Variants in MEP1B observed in about 807,000 individuals in gnomAD.
MEP1B encodes meprin A subunit beta.
MEP1B carries 80 observed loss-of-function variants against 84.6 expected under a neutral mutation model. That is an observed-to-expected ratio of 0.95 (90% CI 0.79 to 1.14). MEP1B has a LOEUF of 1.14. MEP1B is among the 50% of genes most tolerant of loss of function. The pLI is 0.00. For missense variants in MEP1B, 766 were observed against 855.1 expected (o/e 0.90, Z 1.30); for synonymous variants, 273 against 288.1 (o/e 0.95, Z 0.53).
At chr18:32,209,439 A>T (rs190327200) in intron 9 of MEP1B, among the ~76,000 whole-genome samples, 34 of 151,704 alleles carry the variant, frequency 2.2e-4, no homozygotes, top group African/African-American at 8.2e-4. Context: ...GTGAGCTGAG[A>T]TCATACCATT....
At chr18:32,217,694 T>G (rs1421846696) in intron 13 of MEP1B, 67 bp from the exon 14 acceptor site, 1 of 1,322,020 alleles carries the variant, frequency 7.6e-7, no homozygotes, top group Non-Finnish European at 1.1e-6. Context: ...GATCCACATC[T>G]TTAACTGTGA....
chr18:32,213,621 T>G lies in MEP1B; in HGVS notation c.1579+62T>G, dbSNP rs2041054309. The G allele has an allele frequency of 8.3e-6, 11 of 1,329,826 alleles. No homozygotes were observed. The South Asian group carries it at 1.4e-4, about 17-fold the overall frequency. The allele number at this position is 1,329,826 out of a possible 1,614,324, so 82.4% of individuals were successfully genotyped here. On this transcript the variant is annotated intron_variant, in intron 11 of 14. Transcript: ENST00000269202. ...CATTGCTCTAGGAGGGACTGATAAT[T>G]TTGGGAATGAGGGATTGCACAGTTA... is the stretch of plus-strand genomic sequence containing the variant.
In MEP1B at chr18:32,192,588, G is replaced by A. The variant is rs1406347715; in HGVS notation, c.83-58G>A. On this transcript the variant is annotated intron_variant, in intron 2 of 14. Transcript: ENST00000269202. ...AGTTCTGATTATATAAATGATAAAG[G>A]TTTTCTCCTTTTATAAACATAATGT... The A allele has an allele frequency of 2.6e-6, 4 of 1,517,320 alleles. No individual in the cohort carries two copies. In the African/African-American group the frequency reaches 4.1e-5, roughly 16 times the overall value. 94.0% of individuals were successfully genotyped at this position (1,517,320 alleles called of 1,614,324 possible).
chr18:32,194,996 T>C (rs2040838155), intron 4 of MEP1B, among the ~76,000 whole-genome samples: 1 of 152,230 alleles, frequency 6.6e-6, no homozygotes, highest in Non-Finnish European at 1.5e-5. Context: ...TAAAATCCTT[T>C]AAAAATTTTT....
chr18:32,199,713 T>C (rs2040892829), intron 5 of MEP1B, among the ~76,000 whole-genome samples: 1 of 151,844 alleles, frequency 6.6e-6, no homozygotes, highest in South Asian at 2.1e-4. Flanking sequence ...CCTTCCTTCT[T>C]TCTTTTTTGA....
In MEP1B at chr18:32,213,200, G is replaced by C. The variant is rs377435354; in HGVS notation, c.1220G>C (p.Gly407Ala). The C allele has an allele frequency of 3.7e-6, 6 of 1,613,956 alleles. No homozygotes were observed. Among genetic ancestry groups the C allele is most frequent in the Non-Finnish European group, 5.1e-6 (6 of 1,179,860 alleles). ...AGAGTGGTGTTTGAAGGACGCAAAGGCTCTGGTGCATCACTGGGTGGTCTG... is the reference window on the plus strand; with the variant it reads ...AGAGTGGTGTTTGAAGGACGCAAAGCCTCTGGTGCATCACTGGGTGGTCTG... The part of the protein sequence containing the change: ...KFRVVFEGRK[G>A]SGASLGGLSI... The change falls in exon 11 of 15, where the codon GGC becomes GCC. Residue 407 changes from glycine (G) to alanine (A), a missense_variant. Gly to Ala is a moderately conservative substitution (Grantham distance 60). Transcript: ENST00000269202.
chr18:32,196,305 G>A lies in MEP1B; in HGVS notation c.250+820G>A, dbSNP rs918890463. 2.8e-6 allele frequency: 2 copies of A among 705,558 alleles called. No individual in the cohort carries two copies. The highest frequency in any genetic ancestry group is 5.3e-6 in the Non-Finnish European group (2 of 377,418). 43.7% of individuals were successfully genotyped at this position (705,558 alleles called of 1,614,324 possible). ...TGAAGTTGAGGGGCGGGATGTTGTT[G>A]CTGGAGCCGTTGCGGTAGATCTCAT... On this transcript the variant is annotated intron_variant, in intron 5 of 14. Coordinates refer to ENST00000269202, the MANE Select transcript of MEP1B (RefSeq NM_005925.3). The surrounding 1 kb of genome is among the most constrained non-coding windows in gnomAD (Gnocchi z 4.4).
rs1359447565 is a variant in MEP1B at position 32,196,596 on chromosome 18, G to A, written c.250+1111G>A. On this transcript the variant is annotated intron_variant, in intron 5 of 14. Transcript: ENST00000269202. The surrounding 1 kb of genome is among the most constrained non-coding windows in gnomAD (Gnocchi z 4.4). The stretch of plus-strand genomic sequence containing the variant: ...CAGCGCGTTGTCCAGGAAGCACAGC[G>A]ACAGGTCGTACTCCATCACCCTGTG... The A allele has an allele frequency of 6.9e-6, 5 of 722,660 alleles. No homozygotes were observed. Among genetic ancestry groups the A allele is most frequent in the African/African-American group, 3.4e-5 (2 of 57,978 alleles). The allele number at this position is 722,660 out of a possible 1,614,324, so 44.8% of individuals were successfully genotyped here. A position where few individuals can be genotyped will look rare whatever the true frequency, so the allele number is the denominator to read the frequency against.
intron 7 of MEP1B, among the ~76,000 whole-genome samples, chr18:32,206,131 G>A (rs9945892): frequency 6.6e-6 from 1 of 151,724 alleles, no homozygotes; most frequent in East Asian, 1.9e-4. Flanking sequence ...ATAGGCGCCC[G>A]CCACCACACC....
Position 32,196,211 on chromosome 18 carries a change from T to C in MEP1B, c.250+726T>C. The C allele has an allele frequency of 1.5e-6, 1 of 677,094 alleles. No homozygotes were observed. The highest frequency in any genetic ancestry group is 1.5e-5 in the South Asian group (1 of 66,246). The allele number at this position is 677,094 out of a possible 1,614,324, so 41.9% of individuals were successfully genotyped here. A position where few individuals can be genotyped will look rare whatever the true frequency, so the allele number is the denominator to read the frequency against. ...TTCAGACTCTCCAAGTCTTTTTGGC[T>C]GAGAGGAATGAAGAGGATGCCATTG... On this transcript the variant is annotated intron_variant, in intron 5 of 14. Transcript: ENST00000269202. The surrounding 1 kb of genome is among the most constrained non-coding windows in gnomAD (Gnocchi z 4.4).
Position 32,192,823 on chromosome 18 carries a change from T to C in MEP1B, c.171+6T>C, listed in dbSNP as rs745704857. 2.5e-6 allele frequency: 4 copies of C among 1,609,496 alleles called. No homozygotes were observed. Among genetic ancestry groups the C allele is most frequent in the Admixed American group, 3.3e-5 (2 of 59,960 alleles). ...GTGACATCAGACTTGATAGGGTGAGTTGAAACAGTATAAGGAAGAATCTTC... is the reference window on the plus strand; with the variant it reads ...GTGACATCAGACTTGATAGGGTGAGCTGAAACAGTATAAGGAAGAATCTTC... On this transcript the variant is annotated splice_donor_region_variant and intron_variant, in intron 4 of 14. Transcript: ENST00000269202.
intron 2 of MEP1B, 57 bp downstream of exon 2, chr18:32,191,897 C>T: frequency 9.5e-7 from 1 of 1,051,890 alleles, no homozygotes; most frequent in Non-Finnish European, 1.4e-6. Flanking sequence ...ATATTTAATG[C>T]TAAACATCAT....
At chr18:32,192,534 A>G in intron 2 of MEP1B, 112 bp from the exon 3 acceptor site, 1 of 878,058 alleles carries the variant, frequency 1.1e-6, no homozygotes, top group East Asian at 2.4e-5. Context: ...TGAATCTAGT[A>G]GTCACCTGAG....
intron 14 of MEP1B, among the ~76,000 whole-genome samples, chr18:32,218,522 G>A (rs939449386): frequency 3.9e-5 from 6 of 152,354 alleles, no homozygotes; most frequent in South Asian, 4.1e-4. Context: ...CTCCTGAAAC[G>A]ATCCTGTTTC....
chr18:32,204,843 G>A (rs1305896054), intron 7 of MEP1B, among the ~76,000 whole-genome samples: 2 of 152,160 alleles, frequency 1.3e-5, no homozygotes, highest in Non-Finnish European at 2.9e-5. Flanking sequence ...GAGAGTCAGA[G>A]AGAAAAAACA....
intron 2 of MEP1B, among the ~76,000 whole-genome samples, chr18:32,192,400 G>A (rs1008354995): frequency 5.3e-5 from 8 of 151,900 alleles, no homozygotes; most frequent in Admixed American, 6.5e-5. Flanking sequence ...TCTTATTCCC[G>A]AAGTCATTTG....
intron 5 of MEP1B, among the ~76,000 whole-genome samples, chr18:32,201,471 T>C (rs1468905351): frequency 6.6e-6 from 1 of 152,154 alleles, no homozygotes; most frequent in African/African-American, 2.4e-5. Flanking sequence ...TTGCCTGTGA[T>C]CCAATGTCCA....
rs2041068839 is a variant in MEP1B, at chr18:32,215,132, T to C, written c.1630T>C (p.Leu544=). The part of the protein sequence containing the change: ...DRPSKVGTVA[L]FSNGTQFRRG... ...GCCTTCTAAAGTGGGAACAGTGGCT[T>C]TGTTCTCTAATGGAACTCAGTTTAG... The change falls in exon 12 of 15, where the codon TTG becomes CTG. Residue 544 remains leucine (L), a synonymous_variant. Transcript: ENST00000269202. 6.2e-7 allele frequency: 1 copy of C among 1,608,712 alleles called. No individual in the cohort carries two copies. Among genetic ancestry groups the C allele is most frequent in the African/African-American group, 1.3e-5 (1 of 74,632 alleles).
intron 1 of MEP1B, among the ~76,000 whole-genome samples, chr18:32,191,160 G>A (rs989038317): frequency 6.6e-6 from 1 of 151,044 alleles, no homozygotes; most frequent in Non-Finnish European, 1.5e-5. Flanking sequence ...AGTCCTATGA[G>A]CTTTTTAATT....
Sources: allele counts gnomAD v4.1 joint callset (sites outside exome capture counted in the v4.1 genomes callset), GRCh38; gene constraint gnomAD v4.1.1; non-coding constraint Gnocchi (gnomAD v3.1); transcripts MANE v1.5; gene names NCBI Gene and HGNC (gene_info 2026-07-23, HGNC 2026-07-21).